Variants in PHKA1 observed in about 807,000 individuals in gnomAD.
PHKA1 encodes the protein phosphorylase b kinase regulatory subunit alpha, skeletal muscle isoform.
A neutral mutation model predicts 110.2 loss-of-function variants in PHKA1; 60 were observed. That is an observed-to-expected ratio of 0.54 (90% CI 0.44 to 0.68). The LOEUF (loss-of-function observed/expected upper bound fraction) is 0.68, where lower values mean the gene tolerates loss of function less well. PHKA1 is among the 30% of genes least tolerant of loss of function. The pLI is 0.00. For synonymous variants in PHKA1, 316 were observed against 333.6 expected (o/e 0.95, Z 0.58); for missense variants, 801 against 942.5 (o/e 0.85, Z 1.97).
At chrX:72,611,859 C>A (rs1192430336) in intron 21 of PHKA1, among the ~76,000 whole-genome samples, 3 of 111,780 alleles carry the variant, frequency 2.7e-5, no homozygotes, top group Non-Finnish European at 5.6e-5. Context: ...TTGGACAATT[C>A]CTTTGGAGAG....
intron 28 of PHKA1, chrX:72,599,962 A>C (rs1556240292): frequency 2.2e-6 from 1 of 445,567 alleles, no homozygotes; most frequent in Non-Finnish European, 4.0e-6. Context: ...AAAAATACAG[A>C]CTATTTCAGT....
rs782722259 is a variant in PHKA1 at position 72,605,357 on chromosome X, C to A, written c.2729G>T (p.Gly910Val). The A allele has an allele frequency of 3.0e-5, 36 of 1,205,325 alleles. No homozygotes were observed. The highest frequency in any genetic ancestry group is 3.9e-5 in the Non-Finnish European group (35 of 891,014). The change falls in exon 25 of 32, where the codon GGC becomes GTC. Residue 910 changes from glycine (G) to valine (V), a missense_variant. Gly to Val is a moderately radical substitution (Grantham distance 109, BLOSUM62 -3). Coordinates refer to ENST00000373542, the MANE Select transcript of PHKA1 (RefSeq NM_002637.4). ...AAGTCGAAACATTTCAGCAAAGAGG[C>A]CAGGCTGGGTTCGCATATACATGGC... ...YLAMYMRTQP[G>V]LFAEMFRLRI...
chrX:72,681,392 G>GT (rs2053863975), intron 5 of PHKA1, among the ~76,000 whole-genome samples: 1 of 110,111 alleles, frequency 9.1e-6, no homozygotes, highest in South Asian at 3.7e-4. Flanking sequence ...TGGGAGGGAG[G>GT]TGGGGGGGGG....
At chrX:72,612,583 A>G (rs895326383) in intron 21 of PHKA1, among the ~76,000 whole-genome samples, 2 of 112,206 alleles carry the variant, frequency 1.8e-5, no homozygotes, top group Non-Finnish European at 3.8e-5. Context: ...GAATTCTGGC[A>G]ACAATTCAAA....
chrX:72,631,607 CT>C (rs75190252), intron 16 of PHKA1, among the ~76,000 whole-genome samples: 140 of 104,031 alleles, frequency 1.3e-3, no homozygotes, highest in African/African-American at 3.4e-3. Context: ...CCTGTTTTTC[CT>C]TTTTTTTTTT....
intron 2 of PHKA1, among the ~76,000 whole-genome samples, chrX:72,705,463 C>T (rs183762828): frequency 8.9e-6 from 1 of 112,082 alleles, no homozygotes; most frequent in African/African-American, 3.2e-5. Context: ...TCAAAAAAAT[C>T]ATCCAAGCTT....
chrX:72,673,091 T>C (rs962788448), intron 6 of PHKA1, among the ~76,000 whole-genome samples: 2 of 111,870 alleles, frequency 1.8e-5, no homozygotes, highest in African/African-American at 6.5e-5. Flanking sequence ...AGGATTTTTT[T>C]TTTTTGCTAT....
At chrX:72,693,819 A>T (rs2054070944) in intron 4 of PHKA1, among the ~76,000 whole-genome samples, 1 of 110,769 alleles carries the variant, frequency 9.0e-6, no homozygotes. Context: ...TCTTGGTTGT[A>T]CCCGCCTTGA....
At chrX:72,597,072 G>A (rs2052599897) in intron 28 of PHKA1, among the ~76,000 whole-genome samples, 1 of 112,238 alleles carries the variant, frequency 8.9e-6, no homozygotes. Context: ...AAAGAATGAA[G>A]TTGAACTCTA....
chrX:72,652,393 C>A, intron 12 of PHKA1, 151 bp downstream of exon 12: 1 of 492,972 alleles, frequency 2.0e-6, no homozygotes, highest in South Asian at 2.8e-5. Flanking sequence ...TGGCCATGCT[C>A]CCTACTCTGA....
chrX:72,699,035 T>C (rs1398654706), intron 3 of PHKA1, among the ~76,000 whole-genome samples: 1 of 112,008 alleles, frequency 8.9e-6, no homozygotes, highest in Non-Finnish European at 1.9e-5. Context: ...TATAAAGTTA[T>C]ATTAAATAAT....
At chrX:72,672,726 T>C (rs1215092663) in intron 6 of PHKA1, among the ~76,000 whole-genome samples, 2 of 111,188 alleles carry the variant, frequency 1.8e-5, no homozygotes, top group Admixed American at 9.6e-5. Context: ...AAAGGGAAAA[T>C]AGAAAATTTA....
At chrX:72,705,053 CCT>C (rs2054261139) in intron 3 of PHKA1, 143 bp downstream of exon 3, 1 of 430,429 alleles carries the variant, frequency 2.3e-6, no homozygotes. Context: ...TGACATTATC[CCT>C]CTCCAATTTT....
At chrX:72,711,687 T>C (rs1365284498) in intron 2 of PHKA1, among the ~76,000 whole-genome samples, 6 of 111,782 alleles carry the variant, frequency 5.4e-5, no homozygotes, top group Non-Finnish European at 1.1e-4. Context: ...GAGGTTGCAG[T>C]GAGCTGAGAT....
intron 4 of PHKA1, among the ~76,000 whole-genome samples, chrX:72,691,256 A>G (rs1556321751): frequency 8.9e-6 from 1 of 112,736 alleles, no homozygotes; most frequent in Non-Finnish European, 1.9e-5. Flanking sequence ...ATTCTATTCC[A>G]AAGAGCTACA....
intron 14 of PHKA1, among the ~76,000 whole-genome samples, chrX:72,640,893 GTAAC>G (rs782114624): frequency 2.0e-3 from 224 of 111,057 alleles, no homozygotes; most frequent in African/African-American, 6.9e-3. Context: ...CTAAAAGAAA[GTAAC>G]AGACTAGGAA....
At chrX:72,590,930 G>A (rs147770213) in intron 29 of PHKA1, among the ~76,000 whole-genome samples, 1,457 of 111,986 alleles carry the variant, frequency 0.013, 17 homozygotes, top group African/African-American at 0.034. Flanking sequence ...TGGAGAGGAT[G>A]TGGATAAATA....
At chrX:72,587,608 A>G (rs907860562) in intron 29 of PHKA1, among the ~76,000 whole-genome samples, 5 of 111,865 alleles carry the variant, frequency 4.5e-5, no homozygotes, top group Admixed American at 1.9e-4. Flanking sequence ...TGAATGGGCT[A>G]AATGCTGCAA....
rs1556301361 is a variant in PHKA1 at position 72,656,172 on chromosome X, A to G, written c.989T>C (p.Leu330Ser). The change falls in exon 10 of 32, where the codon TTG becomes TCG. Residue 330 changes from leucine to serine, a missense_variant. Physicochemically the swap from Leu to Ser is moderately radical, Grantham distance 145. Coordinates refer to ENST00000373542, the MANE Select transcript of PHKA1 (RefSeq NM_002637.4). ...LFENIECEWP[L>S]FWTYFILDGV... Reference sequence around the variant, plus strand: ...ATCAAGAATAAAGTATGTCCAGAACAATGGCCATTCACACTCAATGTTTTC... The same window carrying G: ...ATCAAGAATAAAGTATGTCCAGAACGATGGCCATTCACACTCAATGTTTTC... 1 of 1,207,486 alleles carries G rather than the reference A, an allele frequency of 8.3e-7. No individual in the cohort carries two copies. The highest frequency in any genetic ancestry group is 3.0e-5 in the East Asian group (1 of 33,819).
Sources: gnomAD v4.1 joint callset for allele counts (sites outside exome capture counted in the v4.1 genomes callset) on GRCh38, gnomAD v4.1.1 for gene constraint, MANE v1.5 for transcripts, NCBI Gene and HGNC (gene_info 2026-07-23, HGNC 2026-07-21) for gene names.